FNBP1: variants seen among roughly 807,000 people sequenced by gnomAD.
FNBP1 encodes the protein formin binding protein 1, also known as formin-binding protein 1.
FNBP1 carries 26 observed loss-of-function variants against 90.6 expected under a neutral mutation model. The ratio of observed to expected loss-of-function variants is 0.29; its 90% CI spans 0.21 to 0.40. FNBP1 has a LOEUF of 0.40. Among genes scored for constraint, FNBP1 ranks in the 10% least tolerant of loss-of-function variants. The pLI is 1.00. For synonymous variants in FNBP1, 260 were observed against 265.2 expected (o/e 0.98, Z 0.19); for missense variants, 635 against 768.0 (o/e 0.83, Z 2.05).
intron 1 of FNBP1, among the ~76,000 whole-genome samples, chr9:129,997,712 T>G (rs2054210889): frequency 1.3e-5 from 2 of 152,142 alleles, no homozygotes; most frequent in African/African-American, 4.8e-5. Context: ...CAGGGCATCA[T>G]GGCACACATG....
chr9:130,038,358 C>CAAA (rs532239781), intron 1 of FNBP1, among the ~76,000 whole-genome samples: 33 of 76,070 alleles, frequency 4.3e-4, no homozygotes, highest in African/African-American at 1.7e-3. Context: ...GACTCCGTCT[C>CAAA]AAAAAAAAAA....
chr9:129,890,424 G>T lies in FNBP1; in HGVS notation c.*115C>A. ...GAGAGAGAGAGAGACCGCCCCGCAGGGATGGGGCTGCGGAGGGGTGGGCTG... is the reference window on the plus strand; with the variant it reads ...GAGAGAGAGAGAGACCGCCCCGCAGTGATGGGGCTGCGGAGGGGTGGGCTG... On this transcript the variant is annotated 3_prime_UTR_variant, in exon 17 of 17. Transcript: ENST00000446176. The surrounding 1 kb of genome is among the most constrained non-coding windows in gnomAD (Gnocchi z 5.8). The T allele has an allele frequency of 1.2e-6, 1 of 839,176 alleles. No individual in the cohort carries two copies. The highest frequency in any genetic ancestry group is 1.5e-5 in the South Asian group (1 of 68,716). The allele number at this position is 839,176 out of a possible 1,614,324, so 52.0% of individuals were successfully genotyped here.
In FNBP1 at chr9:129,890,851, G is replaced by A. The variant is rs2035034168; in HGVS notation, c.1847-305C>T. On this transcript the variant is annotated intron_variant, in intron 16 of 16. Transcript: ENST00000446176. This position sits in a 1 kb window ranked among gnomAD's most constrained non-coding sequence, Gnocchi z 5.8. The stretch of plus-strand genomic sequence containing the variant: ...GTCTTTCTCATAAGTTTAGTTTTGA[G>A]AGAAAGTAAGAAACGGAGGCCGGGG... Among the ~76,000 whole-genome samples the A allele has an allele frequency of 1.3e-5, 2 of 152,206 alleles. No homozygotes were observed. The highest frequency in any genetic ancestry group is 4.1e-4 in the South Asian group (2 of 4,834).
chr9:129,974,538 C>G (rs1238503643), intron 4 of FNBP1, among the ~76,000 whole-genome samples: 1 of 152,114 alleles, frequency 6.6e-6, no homozygotes, highest in Non-Finnish European at 1.5e-5. Context: ...TTTACTCATT[C>G]AAAATAATGG....
chr9:129,929,559 G>A lies in FNBP1; in HGVS notation c.642+8C>T, dbSNP rs1244666591. The A allele has an allele frequency of 6.2e-7, 1 of 1,613,326 alleles. No homozygotes were observed. Among genetic ancestry groups the A allele is most frequent in the Non-Finnish European group, 8.5e-7 (1 of 1,179,458 alleles). On this transcript the variant is annotated splice_region_variant and intron_variant, in intron 7 of 16. Transcript: ENST00000446176. ...AAACATGAAATCTGAGAGATGTTCAGGACTTACCTGGAAGATGTTGGGGAT... is the reference window on the plus strand; with the variant it reads ...AAACATGAAATCTGAGAGATGTTCAAGACTTACCTGGAAGATGTTGGGGAT...
At chr9:130,037,463 C>T (rs1028812218) in intron 1 of FNBP1, among the ~76,000 whole-genome samples, 1 of 152,082 alleles carries the variant, frequency 6.6e-6, no homozygotes, top group Non-Finnish European at 1.5e-5. Flanking sequence ...TATCCAATAC[C>T]TGGAACTGTT....
chr9:129,938,915 CT>C (rs2043911256), intron 6 of FNBP1, among the ~76,000 whole-genome samples: 2 of 152,270 alleles, frequency 1.3e-5, no homozygotes, highest in East Asian at 1.9e-4. Flanking sequence ...CCTTTCCCCC[CT>C]GGTTTCTCAC....
chr9:129,905,554 C>T (rs2037866355), intron 12 of FNBP1, among the ~76,000 whole-genome samples: 1 of 152,098 alleles, frequency 6.6e-6, no homozygotes, highest in Admixed American at 6.6e-5. Flanking sequence ...AGATGATCCA[C>T]CCACCTCAGT....
chr9:129,973,351 A>G lies in FNBP1; in HGVS notation c.345+5114T>C, dbSNP rs145240794. 3.0e-4 allele frequency among the ~76,000 whole-genome samples: 45 copies of G among 152,292 alleles called. No homozygotes were observed. In the East Asian group the frequency reaches 7.7e-3, roughly 26 times the overall value. ...CAGAAGACAGAAATGATAGCATTCCACTGTTGTTTTAAGAATCATCCTTAC... is the reference window on the plus strand; with the variant it reads ...CAGAAGACAGAAATGATAGCATTCCGCTGTTGTTTTAAGAATCATCCTTAC... On this transcript the variant is annotated intron_variant, in intron 4 of 16. Coordinates refer to ENST00000446176, the MANE Select transcript of FNBP1 (RefSeq NM_015033.3).
chr9:130,010,050 C>T (rs1404704882), intron 1 of FNBP1, among the ~76,000 whole-genome samples: 4 of 150,252 alleles, frequency 2.7e-5, no homozygotes, highest in South Asian at 2.1e-4. Flanking sequence ...GTGGAAAAAA[C>T]GCTAATCTGC....
At chr9:130,011,232 A>T (rs2056528197) in intron 1 of FNBP1, among the ~76,000 whole-genome samples, 1 of 71,664 alleles carries the variant, frequency 1.4e-5, no homozygotes, top group Non-Finnish European at 2.6e-5. Context: ...AAAAAAAAAA[A>T]AAAAAAAAAA....
rs943403862 is a variant in FNBP1 at position 130,027,228 on chromosome 9, G to C, written c.24+15724C>G. Among the ~76,000 whole-genome samples the C allele has an allele frequency of 2.0e-5, 3 of 152,140 alleles. No homozygotes were observed. In the South Asian group the frequency reaches 6.2e-4, roughly 32 times the overall value. Reference sequence around the variant, plus strand: ...CCATATTCAAAGTGTATGATCATGTGACAAGAACCTTAGAAAAAACTGTTT... The same window carrying C: ...CCATATTCAAAGTGTATGATCATGTCACAAGAACCTTAGAAAAAACTGTTT... On this transcript the variant is annotated intron_variant, in intron 1 of 16. Coordinates refer to ENST00000446176, the MANE Select transcript of FNBP1 (RefSeq NM_015033.3).
At chr9:129,902,373 G>T (rs910315415) in intron 13 of FNBP1, among the ~76,000 whole-genome samples, 1 of 152,166 alleles carries the variant, frequency 6.6e-6, no homozygotes, top group African/African-American at 2.4e-5. Context: ...CAAGGTGGGA[G>T]GATGGCTTAA....
chr9:129,921,495 G>A (rs930261037), intron 10 of FNBP1, among the ~76,000 whole-genome samples: 13 of 151,766 alleles, frequency 8.6e-5, no homozygotes, highest in Non-Finnish European at 1.2e-4. Flanking sequence ...CCAGGTCCAA[G>A]CGATTCTCCT....
intron 1 of FNBP1, among the ~76,000 whole-genome samples, chr9:130,023,960 G>A (rs780930226): frequency 2.6e-5 from 4 of 152,006 alleles, no homozygotes; most frequent in Non-Finnish European, 4.4e-5. Flanking sequence ...CTCTCCCTGT[G>A]AGCTGCCTTG....
Position 129,994,795 on chromosome 9 carries a change from T to G in FNBP1, c.140+48A>C, listed in dbSNP as rs771971947. 1.6e-5 allele frequency: 13 copies of G among 838,626 alleles called. No homozygotes were observed. In the East Asian group the frequency reaches 3.0e-4, roughly 19 times the overall value. 51.9% of individuals were successfully genotyped at this position (838,626 alleles called of 1,614,324 possible). On this transcript the variant is annotated intron_variant, in intron 2 of 16. Coordinates refer to ENST00000446176, the MANE Select transcript of FNBP1 (RefSeq NM_015033.3). Reference sequence around the variant, plus strand: ...TGTAAAATGAGAATATACGTTATCCTTACATCATTTTGCAGTTAACAAATA... The same window carrying G: ...TGTAAAATGAGAATATACGTTATCCGTACATCATTTTGCAGTTAACAAATA...
At chr9:129,918,815 T>A (rs1359235267) in intron 10 of FNBP1, among the ~76,000 whole-genome samples, 1 of 151,468 alleles carries the variant, frequency 6.6e-6, no homozygotes, top group Non-Finnish European at 1.5e-5. Flanking sequence ...CCCAATGACA[T>A]CTCAGACGGC....
At chr9:129,891,005 A>C (rs1205523994) in intron 16 of FNBP1, among the ~76,000 whole-genome samples, 1 of 152,000 alleles carries the variant, frequency 6.6e-6, no homozygotes. Context: ...AAATACAACA[A>C]TTAGCCTGGC....
chr9:129,951,352 C>T (rs1286405078), intron 6 of FNBP1, among the ~76,000 whole-genome samples: 1 of 152,048 alleles, frequency 6.6e-6, no homozygotes, highest in Non-Finnish European at 1.5e-5. Context: ...CCTCAGCCTC[C>T]CAAAGTGCTA....
Sources: gnomAD v4.1 joint callset for allele counts (sites outside exome capture counted in the v4.1 genomes callset) on GRCh38, gnomAD v4.1.1 for gene constraint, Gnocchi (gnomAD v3.1) non-coding constraint, MANE v1.5 for transcripts, NCBI Gene and HGNC (gene_info 2026-07-23, HGNC 2026-07-21) for gene names.